Variants in LRP1B observed in about 807,000 individuals in gnomAD.
LRP1B encodes low-density lipoprotein receptor-related protein 1B.
In LRP1B, 217 loss-of-function variants were observed where a neutral mutation model predicts 556.6. That is an observed-to-expected ratio of 0.39 (90% CI 0.35 to 0.44). The LOEUF is 0.44. LRP1B is among the 20% of genes least tolerant of loss of function. The pLI is 1.00. For missense variants in LRP1B, 5,053 were observed against 5,620.8 expected, an observed-to-expected ratio of 0.90 and a Z score of 3.23; for synonymous variants, 2,047 against 1,865.8, an observed-to-expected ratio of 1.10 and a Z score of -2.50.
chr2:140,774,791 T>A (rs1689434086), intron 33 of LRP1B, among the ~76,000 whole-genome samples: 1 of 152,192 alleles, frequency 6.6e-6, no homozygotes, highest in Admixed American at 6.5e-5. Context: ...ATTATTTTGA[T>A]ACAGAAAAAG....
At chr2:142,060,312 A>G (rs945320904) in intron 1 of LRP1B, among the ~76,000 whole-genome samples, 3 of 151,972 alleles carry the variant, frequency 2.0e-5, no homozygotes, top group Admixed American at 2.0e-4. Flanking sequence ...TTTGTGAGTT[A>G]CTGGGTGTCA....
intron 2 of LRP1B, among the ~76,000 whole-genome samples, chr2:141,674,887 A>C (rs1690817387): frequency 2.0e-5 from 3 of 151,980 alleles, no homozygotes; most frequent in Non-Finnish European, 2.9e-5. Context: ...TTTTTTTTGA[A>C]AGCATGGGGC....
chr2:141,499,158 T>G (rs1176553981), intron 2 of LRP1B, among the ~76,000 whole-genome samples: 1 of 152,128 alleles, frequency 6.6e-6, no homozygotes, highest in African/African-American at 2.4e-5. Context: ...TTTTTTAGGC[T>G]TATTAACTAA....
At chr2:141,566,980 T>C (rs1279887353) in intron 2 of LRP1B, among the ~76,000 whole-genome samples, 2 of 152,214 alleles carry the variant, frequency 1.3e-5, no homozygotes, top group African/African-American at 4.8e-5. Context: ...GTTATCTTAA[T>C]TTGCTTCAAT....
chr2:140,426,864 C>T lies in LRP1B; in HGVS notation c.10414+15640G>A, dbSNP rs182723908. ...GGGAGATCAATCCCCTGTCTTCCTG[C>T]TCTTTGCTCTGTGAGAAAGATCCAC... On this transcript the variant is annotated intron_variant, in intron 66 of 90. Transcript: ENST00000389484. 8.5e-3 allele frequency among the ~76,000 whole-genome samples: 1,299 copies of T among 152,286 alleles called. 13 individuals are homozygous for T. Among genetic ancestry groups the T allele is most frequent in the Non-Finnish European group, 0.014 (947 of 68,016 alleles).
intron 60 of LRP1B, among the ~76,000 whole-genome samples, chr2:140,470,159 T>C (rs1687703387): frequency 1.3e-5 from 2 of 152,224 alleles, no homozygotes; most frequent in African/African-American, 2.4e-5. Flanking sequence ...TCCTCCATCA[T>C]TAATTTGATT....
intron 1 of LRP1B, among the ~76,000 whole-genome samples, chr2:141,935,200 T>C (rs191373780): frequency 6.6e-6 from 1 of 152,120 alleles, no homozygotes; most frequent in Admixed American, 6.6e-5. Flanking sequence ...ATAAAGCATT[T>C]TAAACCAAAG....
intron 3 of LRP1B, among the ~76,000 whole-genome samples, chr2:141,390,378 A>C (rs1056420960): frequency 5.3e-5 from 8 of 152,234 alleles, no homozygotes; most frequent in African/African-American, 1.2e-4. Flanking sequence ...CTGGAGTAAA[A>C]AACGTTTGGC....
intron 3 of LRP1B, among the ~76,000 whole-genome samples, chr2:141,401,127 C>T (rs1453767937): frequency 6.6e-6 from 1 of 152,134 alleles, no homozygotes; most frequent in Non-Finnish European, 1.5e-5. Context: ...TAAAAAGTGG[C>T]AAAATATTCC....
chr2:140,965,572 A>G (rs1222872286), intron 18 of LRP1B, among the ~76,000 whole-genome samples: 1 of 151,998 alleles, frequency 6.6e-6, no homozygotes, highest in Admixed American at 6.6e-5. Flanking sequence ...TTTTTTTATT[A>G]GACTTTAAGT....
chr2:140,626,801 T>TA (rs944267968), intron 41 of LRP1B, among the ~76,000 whole-genome samples: 1 of 150,834 alleles, frequency 6.6e-6, no homozygotes, highest in African/African-American at 2.4e-5. Context: ...ATAAAATATA[T>TA]AAAGATCTCC....
At chr2:140,804,824 T>C in intron 32 of LRP1B, among the ~76,000 whole-genome samples, 1 of 152,060 alleles carries the variant, frequency 6.6e-6, no homozygotes, top group Non-Finnish European at 1.5e-5. Flanking sequence ...CAACTGAACA[T>C]GACATTCTCT....
intron 43 of LRP1B, among the ~76,000 whole-genome samples, chr2:140,592,542 G>A (rs889819694): frequency 6.6e-6 from 1 of 151,944 alleles, no homozygotes; most frequent in Non-Finnish European, 1.5e-5. Context: ...TATGTTGTGA[G>A]AAAATTCACT....
chr2:141,089,577 T>C (rs17524446), intron 7 of LRP1B, among the ~76,000 whole-genome samples: 6,350 of 152,348 alleles, frequency 0.042, 221 homozygotes, highest in Middle Eastern at 0.12. Context: ...ATTAGTTTTA[T>C]ATTCTGAATT....
intron 47 of LRP1B, among the ~76,000 whole-genome samples, chr2:140,528,161 C>G (rs970435758): frequency 2.0e-5 from 3 of 151,824 alleles, no homozygotes; most frequent in Admixed American, 2.0e-4. Flanking sequence ...GCATTTCAGA[C>G]AGTCAAGAAA....
At chr2:140,816,330 A>G (rs1963551) in intron 31 of LRP1B, among the ~76,000 whole-genome samples, 68,225 of 151,560 alleles carry the variant, frequency 0.45, 16,991 homozygotes, top group East Asian at 0.58. Context: ...GTTGGCCAGG[A>G]TGGTCTCGAT....
Position 140,595,315 on chromosome 2 carries a change from G to A in LRP1B, c.7194+3316C>T, listed in dbSNP as rs114345693. 4.7e-3 allele frequency among the ~76,000 whole-genome samples: 711 copies of A among 151,558 alleles called. 3 individuals carry two copies. The highest frequency in any genetic ancestry group is 0.016 in the African/African-American group (664 of 41,366). The stretch of plus-strand genomic sequence containing the variant: ...TTAGATTATCTGCTCTTTTCAAGGC[G>A]AACTAACAATAACAGTTGGATTTCA... On this transcript the variant is annotated intron_variant, in intron 43 of 90. Coordinates refer to ENST00000389484, the MANE Select transcript of LRP1B (RefSeq NM_018557.3).
At chr2:140,889,196 A>G (rs1324395082) in intron 23 of LRP1B, among the ~76,000 whole-genome samples, 2 of 152,216 alleles carry the variant, frequency 1.3e-5, no homozygotes, top group Non-Finnish European at 2.9e-5. Context: ...GTTTACACCA[A>G]TTAAAACAGC....
At chr2:141,882,804 C>A (rs1304645644) in intron 1 of LRP1B, among the ~76,000 whole-genome samples, 3 of 152,162 alleles carry the variant, frequency 2.0e-5, no homozygotes, top group African/African-American at 7.2e-5. Context: ...AACTCCTGGG[C>A]TCCTGTCATC....
Sources: allele counts gnomAD v4.1 joint callset (sites outside exome capture counted in the v4.1 genomes callset), GRCh38; gene constraint gnomAD v4.1.1; transcripts MANE v1.5; gene names NCBI Gene and HGNC (gene_info 2026-07-23, HGNC 2026-07-21).